Variants in DLGAP1 observed in about 807,000 individuals in gnomAD.
DLGAP1 encodes the protein disks large-associated protein 1.
A neutral mutation model predicts 90.8 loss-of-function variants in DLGAP1; 11 were observed. The ratio of observed to expected loss-of-function variants is 0.12; its 90% confidence interval spans 0.08 to 0.20. The LOEUF (loss-of-function observed/expected upper bound fraction) is 0.20, where lower values mean the gene tolerates loss of function less well. Ranked by LOEUF, DLGAP1 falls within the 10% of genes least tolerant of loss-of-function variation. DLGAP1 has a pLI of 1.00. For missense variants in DLGAP1, 1,050 were observed against 1,333.8 expected (o/e 0.79, Z 3.31); for synonymous variants, 558 against 540.7 (o/e 1.03, Z -0.44).
intron 1 of DLGAP1, among the ~76,000 whole-genome samples, chr18:4,381,923 A>T (rs1269559478): frequency 6.6e-6 from 1 of 152,156 alleles, no homozygotes; most frequent in East Asian, 1.9e-4. Flanking sequence ...GGCAAAAGAC[A>T]CGTCTTACAC....
At chr18:4,099,202 C>G (rs1191469912) in intron 2 of DLGAP1, among the ~76,000 whole-genome samples, 1 of 152,152 alleles carries the variant, frequency 6.6e-6, no homozygotes, top group East Asian at 1.9e-4. Context: ...TTCTACACCT[C>G]AGCTGCTTCC....
At chr18:3,838,366 C>T (rs1189915903) in intron 4 of DLGAP1, among the ~76,000 whole-genome samples, 1 of 152,154 alleles carries the variant, frequency 6.6e-6, no homozygotes, top group African/African-American at 2.4e-5. Context: ...ACTAGAAATT[C>T]TCAGCAGTGG....
At chr18:3,665,228 T>C (rs1285212297) in intron 7 of DLGAP1, among the ~76,000 whole-genome samples, 3 of 152,192 alleles carry the variant, frequency 2.0e-5, no homozygotes, top group Non-Finnish European at 4.4e-5. Context: ...TAAATTTAAG[T>C]TTAGAAACAA....
rs781271034 is a variant in DLGAP1, at chr18:4,084,408, G to A, written c.-159+66772C>T. On this transcript the variant is annotated intron_variant, in intron 2 of 12. Coordinates refer to ENST00000315677, the MANE Select transcript of DLGAP1 (RefSeq NM_004746.4). This position sits in a 1 kb window ranked among gnomAD's most constrained non-coding sequence, Gnocchi z 4.0. ...GGCTCAGAACAAGGGCCAGATAATA[G>A]CCTCTTGGCATACTTAATATTTTAA... Among the ~76,000 whole-genome samples the A allele has an allele frequency of 1.3e-5, 2 of 152,088 alleles. No homozygotes were observed. The highest frequency in any genetic ancestry group is 2.9e-5 in the Non-Finnish European group (2 of 68,006).
At chr18:4,191,051 T>C (rs959946761) in intron 1 of DLGAP1, among the ~76,000 whole-genome samples, 4 of 152,134 alleles carry the variant, frequency 2.6e-5, no homozygotes, top group Non-Finnish European at 5.9e-5. Context: ...TCACTTCACA[T>C]AAACCCTCTT....
chr18:4,379,461 A>G (rs1000099607), intron 1 of DLGAP1, among the ~76,000 whole-genome samples: 1 of 152,130 alleles, frequency 6.6e-6, no homozygotes, highest in African/African-American at 2.4e-5. Flanking sequence ...GACTGTCCCT[A>G]TATCAATTCT....
chr18:3,672,886 C>T (rs1446021275), intron 7 of DLGAP1, among the ~76,000 whole-genome samples: 1 of 152,148 alleles, frequency 6.6e-6, no homozygotes, highest in Non-Finnish European at 1.5e-5. Flanking sequence ...TACACCTGTT[C>T]TTTCCTCTCC....
chr18:4,151,831 TC>T (rs1469377018), intron 1 of DLGAP1, among the ~76,000 whole-genome samples: 5 of 152,200 alleles, frequency 3.3e-5, no homozygotes, highest in Non-Finnish European at 5.9e-5. Context: ...CAAGCCACTA[TC>T]CTTAATTAGG....
chr18:3,969,834 ATG>A (rs1215799379), intron 3 of DLGAP1, among the ~76,000 whole-genome samples: 1 of 152,170 alleles, frequency 6.6e-6, no homozygotes, highest in African/African-American at 2.4e-5. Context: ...TAATTTTTTA[ATG>A]TGTTTCACGT....
chr18:3,664,205 C>T (rs1304203639), intron 7 of DLGAP1, among the ~76,000 whole-genome samples: 2 of 140,148 alleles, frequency 1.4e-5, no homozygotes, highest in Non-Finnish European at 3.0e-5. Context: ...CACACACACA[C>T]ACACACACAC....
chr18:3,522,998 A>G (rs1037931997), intron 10 of DLGAP1, among the ~76,000 whole-genome samples: 2 of 152,196 alleles, frequency 1.3e-5, no homozygotes, highest in Admixed American at 6.6e-5. Flanking sequence ...TATCACAACA[A>G]AAGATCAGGC....
At chr18:3,604,006 A>G (rs2057203701) in intron 7 of DLGAP1, 1 of 154,414 alleles carries the variant, frequency 6.5e-6, no homozygotes, top group South Asian at 2.0e-4. Flanking sequence ...CATGAAGAAG[A>G]AAGTTAATGG....
intron 1 of DLGAP1, among the ~76,000 whole-genome samples, chr18:4,221,651 G>C (rs533574339): frequency 6.6e-6 from 1 of 152,068 alleles, no homozygotes; most frequent in African/African-American, 2.4e-5. Context: ...GACAGTACAC[G>C]GTAGTTTGAG....
chr18:3,693,873 T>C (rs1006057197), intron 7 of DLGAP1, among the ~76,000 whole-genome samples: 2 of 151,852 alleles, frequency 1.3e-5, no homozygotes, highest in Admixed American at 6.6e-5. Flanking sequence ...TGATGTAAGC[T>C]GATGATGGCA....
At chr18:3,848,118 G>A (rs1369874746) in intron 4 of DLGAP1, among the ~76,000 whole-genome samples, 1 of 85,932 alleles carries the variant, frequency 1.2e-5, no homozygotes, top group African/African-American at 4.8e-5. Flanking sequence ...ATGGAGCAAG[G>A]CCCCGTCTCA....
chr18:3,911,849 G>A (rs1255841721), intron 3 of DLGAP1, among the ~76,000 whole-genome samples: 1 of 152,222 alleles, frequency 6.6e-6, no homozygotes, highest in Non-Finnish European at 1.5e-5. Flanking sequence ...GCATGTGCCA[G>A]AGGTTGAATA....
In DLGAP1 at chr18:3,850,236, C is replaced by A. The variant is rs6506139; in HGVS notation, c.957+28876G>T. Among the ~76,000 whole-genome samples, 953 of 152,034 alleles carry A rather than the reference C, an allele frequency of 6.3e-3. 6 individuals carry two copies. The highest frequency in any genetic ancestry group is 0.022 in the African/African-American group (908 of 41,470). Reference sequence around the variant, plus strand: ...AATACAAAAATCTCTACTAAAAATACAAAAATTAGCCAGGCATTGTGGTGG... The same window carrying A: ...AATACAAAAATCTCTACTAAAAATAAAAAAATTAGCCAGGCATTGTGGTGG... On this transcript the variant is annotated intron_variant, in intron 4 of 12. Coordinates refer to ENST00000315677, the MANE Select transcript of DLGAP1 (RefSeq NM_004746.4).
chr18:3,788,912 A>G (rs1256995399), intron 5 of DLGAP1, among the ~76,000 whole-genome samples: 1 of 152,274 alleles, frequency 6.6e-6, no homozygotes, highest in African/African-American at 2.4e-5. Flanking sequence ...AACAAACAAC[A>G]GCCACAACAA....
rs1439545419 is a variant in DLGAP1, at chr18:4,320,167, T to G, written c.-267+134839A>C. Among the ~76,000 whole-genome samples the G allele has an allele frequency of 2.6e-5, 4 of 151,986 alleles. 1 individual carries two copies. In the Middle Eastern group the frequency reaches 0.01, roughly 388 times the overall value. On this transcript the variant is annotated intron_variant, in intron 1 of 12. Coordinates refer to ENST00000315677, the MANE Select transcript of DLGAP1 (RefSeq NM_004746.4). ...GGAGGCAATTATGAGAAAGACAGAGTGAGATACTGTTTAACTGCTCATTCT... is the reference window on the plus strand; with the variant it reads ...GGAGGCAATTATGAGAAAGACAGAGGGAGATACTGTTTAACTGCTCATTCT...
Sources: gnomAD v4.1 joint callset for allele counts (sites outside exome capture counted in the v4.1 genomes callset) on GRCh38, gnomAD v4.1.1 for gene constraint, Gnocchi (gnomAD v3.1) non-coding constraint, MANE v1.5 for transcripts, NCBI Gene and HGNC (gene_info 2026-07-23, HGNC 2026-07-21) for gene names.